The following NYAP2 variants were observed in gnomAD, a reference collection of about 807,000 sequenced individuals.
NYAP2 encodes the protein neuronal tyrosine-phosphorylated phosphoinositide-3-kinase adapter 2.
Under a neutral mutation model 50.4 loss-of-function variants are expected in NYAP2, and 23 were observed. The observed-to-expected ratio is 0.46, with a 90% CI of 0.33 to 0.65. The LOEUF (loss-of-function observed/expected upper bound fraction) is 0.65. NYAP2 is among the 30% of genes least tolerant of loss of function. NYAP2 has a pLI of 0.02. For missense variants in NYAP2, 885 were observed against 861.0 expected, an observed-to-expected ratio of 1.03 and a Z score of -0.35; for synonymous variants, 394 against 365.2, an observed-to-expected ratio of 1.08 and a Z score of -0.90.
Position 225,412,255 on chromosome 2 carries a change from C to CTTTTTTTTTTTTTTT in NYAP2, c.221+3166_221+3180dup, listed in dbSNP as rs560637948. On this transcript the variant is annotated intron_variant, in intron 3 of 6. Transcript: ENST00000636099. ...TACAGGCGTGAGCCACTGCGCCCGG[C>CTTTTTTTTTTTTTTT]TTTTTTTTTTTTTTTTTTTTTTTTT... is the stretch of plus-strand genomic sequence containing the variant. Among the ~76,000 whole-genome samples the CTTTTTTTTTTTTTTT allele has an allele frequency of 1.3e-3, 75 of 59,136 alleles. 12 individuals carry two copies. The highest frequency in any genetic ancestry group is 1.9e-3 in the Non-Finnish European group (58 of 30,648). 38.8% of individuals were successfully genotyped at this position (59,136 alleles called of 152,430 possible).
intron 6 of NYAP2, among the ~76,000 whole-genome samples, chr2:225,648,967 G>A (rs1489817418): frequency 2.0e-5 from 3 of 152,202 alleles, no homozygotes; most frequent in African/African-American, 7.2e-5. Context: ...TGGGTTGAGA[G>A]AGAGGTGAAG....
chr2:225,446,391 C>A (rs532230584), intron 3 of NYAP2, among the ~76,000 whole-genome samples: 2 of 151,552 alleles, frequency 1.3e-5, no homozygotes, highest in South Asian at 4.2e-4. Context: ...AAAAAATACT[C>A]TCCAGGGTGA....
intron 4 of NYAP2, among the ~76,000 whole-genome samples, chr2:225,545,216 T>C (rs141523931): frequency 1.1e-4 from 17 of 152,324 alleles, no homozygotes; most frequent in Non-Finnish European, 2.4e-4. Flanking sequence ...TATCTGAATG[T>C]TGATATCCTT....
In NYAP2 at chr2:225,406,923, T is replaced by G. The variant is rs1473683387; in HGVS notation, c.-17-1941T>G. On this transcript the variant is annotated intron_variant, in intron 2 of 6. Coordinates refer to ENST00000636099, the Ensembl canonical transcript of NYAP2. ...GGTGTCATTTTGGTTGGAGGAAAAC[T>G]TAAGGAAAAAAATTAAAACCTTTGG... Among the ~76,000 whole-genome samples, 3 of 151,944 alleles carry G rather than the reference T, an allele frequency of 2.0e-5. No individual in the cohort carries two copies. In the East Asian group the frequency reaches 5.8e-4, roughly 29 times the overall value.
rs570941352 is a variant in NYAP2, at chr2:225,552,376, G to A, written c.524-29565G>A. ...GGTAACTCAGGAATAATAACTTCAT[G>A]AAGAGACTACCATCCTGTGATGGAC... On this transcript the variant is annotated intron_variant, in intron 4 of 6. Transcript: ENST00000636099. Among the ~76,000 whole-genome samples, 80 of 152,278 alleles carry A rather than the reference G, an allele frequency of 5.3e-4. 1 individual carries two copies. The South Asian group carries it at 8.3e-3, about 16-fold the overall frequency.
intron 6 of NYAP2, among the ~76,000 whole-genome samples, chr2:225,631,130 CAGTT>C (rs368858381): frequency 7.9e-5 from 12 of 152,252 alleles, no homozygotes; most frequent in East Asian, 1.9e-4. Context: ...AGAAATGAAA[CAGTT>C]AGATAGTCCA....
the NYAP2 span, among the ~76,000 whole-genome samples, chr2:225,686,259 T>C: frequency 6.6e-6 from 1 of 152,224 alleles, no homozygotes; most frequent in Non-Finnish European, 1.5e-5. Context: ...GTTGTCATCT[T>C]GTAATATGCA....
intron 4 of NYAP2, among the ~76,000 whole-genome samples, chr2:225,544,589 C>G (rs1177227418): frequency 6.6e-6 from 1 of 152,070 alleles, no homozygotes; most frequent in Non-Finnish European, 1.5e-5. Context: ...AACTTCGTCT[C>G]CTATTTTTTA....
At chr2:225,653,451 T>C (rs936820961) in exon 7 of NYAP2, 1 of 152,232 alleles carries the variant, frequency 6.6e-6, no homozygotes, top group Admixed American at 6.5e-5. Context: ...TGATGGGAAG[T>C]TCTTCGTTTT....
chr2:225,611,430 C>T (rs1247302012), intron 5 of NYAP2, among the ~76,000 whole-genome samples: 1 of 151,950 alleles, frequency 6.6e-6, no homozygotes, highest in African/African-American at 2.4e-5. Flanking sequence ...CAGTTAGTGC[C>T]TTTTATCCCT....
At chr2:225,408,259 G>T (rs1373325407) in intron 2 of NYAP2, among the ~76,000 whole-genome samples, 1 of 151,904 alleles carries the variant, frequency 6.6e-6, no homozygotes, top group East Asian at 1.9e-4. Context: ...TAGTATGAAG[G>T]CATTATGGAG....
chr2:225,582,483 AC>A lies in NYAP2; in HGVS notation c.1070del (p.Pro357LeufsTer16), dbSNP rs2106229731. 7.5e-7 allele frequency: 1 copy of A among 1,334,140 alleles called. No homozygotes were observed. The highest frequency in any genetic ancestry group is 3.6e-5 in the East Asian group (1 of 27,568). The allele number at this position is 1,334,140 out of a possible 1,614,324, so 82.6% of individuals were successfully genotyped here. On this transcript the variant is annotated frameshift_variant, in exon 5 of 7. Transcript: ENST00000636099. LOFTEE classifies it high-confidence loss of function. This position sits in a 1 kb window ranked among gnomAD's most constrained non-coding sequence, Gnocchi z 7.0. ...CCCCAACTCCGACGAGTCCCCGCTT[AC>A]CCCTCTGGAGGTCACGAAGCTTCCC...
chr2:225,541,357 T>C (rs1691468291), intron 4 of NYAP2, among the ~76,000 whole-genome samples: 2 of 152,186 alleles, frequency 1.3e-5, no homozygotes, highest in Non-Finnish European at 2.9e-5. Context: ...ACTCAATAAA[T>C]CTTTGCCCAG....
At chr2:225,460,139 T>C (rs1366581677) in intron 3 of NYAP2, among the ~76,000 whole-genome samples, 1 of 151,926 alleles carries the variant, frequency 6.6e-6, no homozygotes, top group African/African-American at 2.4e-5. Context: ...ACCAATCAAA[T>C]GATGATTTTT....
At chr2:225,426,423 A>T (rs1188249351) in intron 3 of NYAP2, among the ~76,000 whole-genome samples, 1 of 152,196 alleles carries the variant, frequency 6.6e-6, no homozygotes, top group Non-Finnish European at 1.5e-5. Context: ...ACTCTTATCC[A>T]CTAACGTACC....
chr2:225,418,779 T>C (rs1695166669), intron 3 of NYAP2, among the ~76,000 whole-genome samples: 1 of 152,214 alleles, frequency 6.6e-6, no homozygotes, highest in Non-Finnish European at 1.5e-5. Context: ...TTATAAAACT[T>C]TTTATATACT....
the NYAP2 span, among the ~76,000 whole-genome samples, chr2:225,681,641 C>A: frequency 6.6e-6 from 1 of 152,158 alleles, no homozygotes; most frequent in African/African-American, 2.4e-5. Context: ...TGGTCACATG[C>A]TATTTTCCAG....
chr2:225,507,355 C>T (rs1380380308), intron 3 of NYAP2, among the ~76,000 whole-genome samples: 1 of 152,068 alleles, frequency 6.6e-6, no homozygotes, highest in African/African-American at 2.4e-5. Flanking sequence ...TTTTTGTCTT[C>T]GAAAGGAAGC....
chr2:225,478,712 T>C (rs1296993056), intron 3 of NYAP2, among the ~76,000 whole-genome samples: 1 of 152,218 alleles, frequency 6.6e-6, no homozygotes, highest in South Asian at 2.1e-4. Context: ...GAAAATACAA[T>C]GGTCCTGAAA....
Sources: gnomAD v4.1 joint callset for allele counts (sites outside exome capture counted in the v4.1 genomes callset) on GRCh38, gnomAD v4.1.1 for gene constraint, Gnocchi (gnomAD v3.1) non-coding constraint, MANE v1.5 for transcripts, NCBI Gene and HGNC (gene_info 2026-07-23, HGNC 2026-07-21) for gene names.